KCNH1: variants seen among roughly 807,000 people sequenced by gnomAD.
KCNH1 encodes the protein potassium voltage-gated channel subfamily H member 1, also known as voltage-gated delayed rectifier potassium channel KCNH1.
In KCNH1, 27 loss-of-function variants were observed where a neutral mutation model predicts 69.2. The observed-to-expected ratio is 0.39, with a 90% confidence interval of 0.29 to 0.54. The LOEUF is 0.54. Ranked by LOEUF, KCNH1 falls within the 20% of genes least tolerant of loss-of-function variation. The pLI is 0.68. For missense variants in KCNH1, 798 were observed against 1,261.6 expected, an observed-to-expected ratio of 0.63 and a Z score of 5.57; for synonymous variants, 456 against 487.7, an observed-to-expected ratio of 0.93 and a Z score of 0.86.
intron 7 of KCNH1, among the ~76,000 whole-genome samples, chr1:210,843,053 G>A (rs1397102800): frequency 6.6e-6 from 1 of 152,158 alleles, no homozygotes; most frequent in Non-Finnish European, 1.5e-5. Flanking sequence ...AATGTCCTTG[G>A]TGAAAGAAAT....
intron 6 of KCNH1, among the ~76,000 whole-genome samples, chr1:210,973,961 C>T (rs923513071): frequency 7.2e-5 from 11 of 151,972 alleles, no homozygotes; most frequent in Non-Finnish European, 1.5e-4. Context: ...ATTTTTCTTG[C>T]CATCTATTAC....
At position 211,057,655 on chromosome 1, in the gene KCNH1, G is replaced by T. The variant is rs1334319194; in HGVS notation, c.558+25125C>A. On this transcript the variant is annotated intron_variant, in intron 5 of 10. Coordinates refer to ENST00000271751, the MANE Select transcript of KCNH1 (RefSeq NM_172362.3). ...CCCTGTCCCAAAAAAATGAGAAAAA[G>T]AAAGAAGAAAACAGAAAACAAAGAA... Among the ~76,000 whole-genome samples, 3 of 150,490 alleles carry T rather than the reference G, an allele frequency of 2.0e-5. No individual in the cohort carries two copies. In the East Asian group the frequency reaches 5.9e-4, roughly 29 times the overall value.
chr1:210,712,467 GA>G (rs992009064), intron 10 of KCNH1, among the ~76,000 whole-genome samples: 5 of 152,178 alleles, frequency 3.3e-5, no homozygotes, highest in African/African-American at 9.7e-5. Context: ...GCAGAACGAA[GA>G]GGCTGGGAGA....
chr1:210,766,465 C>G (rs529821808), intron 10 of KCNH1, among the ~76,000 whole-genome samples: 2 of 151,742 alleles, frequency 1.3e-5, no homozygotes, highest in Non-Finnish European at 2.9e-5. Flanking sequence ...GCAGAGGTTG[C>G]GGTAAGCCAA....
intron 6 of KCNH1, among the ~76,000 whole-genome samples, chr1:210,996,237 A>G (rs1689033483): frequency 6.6e-6 from 1 of 152,114 alleles, no homozygotes; most frequent in African/African-American, 2.4e-5. Flanking sequence ...TTCCTAGTCA[A>G]AGAAAGGGGT....
intron 6 of KCNH1, among the ~76,000 whole-genome samples, chr1:210,972,461 A>G (rs915342444): frequency 1.3e-5 from 2 of 152,166 alleles, no homozygotes; most frequent in Admixed American, 6.6e-5. Flanking sequence ...CAGTTGCCCT[A>G]AAGTTCCTTT....
chr1:210,959,541 A>C (rs1688254130), intron 6 of KCNH1, among the ~76,000 whole-genome samples: 1 of 152,242 alleles, frequency 6.6e-6, no homozygotes, highest in African/African-American at 2.4e-5. Flanking sequence ...GTCTAGAGGC[A>C]GTAGGCCTTG....
chr1:210,900,148 A>G (rs1686964071), intron 7 of KCNH1, among the ~76,000 whole-genome samples: 1 of 152,228 alleles, frequency 6.6e-6, no homozygotes, highest in Non-Finnish European at 1.5e-5. Flanking sequence ...AGATAGTGAA[A>G]AGGCAGAGAG....
At chr1:210,958,784 A>T (rs1337732567) in intron 6 of KCNH1, among the ~76,000 whole-genome samples, 1 of 152,066 alleles carries the variant, frequency 6.6e-6, no homozygotes, top group Non-Finnish European at 1.5e-5. Context: ...TCTTCTCTAC[A>T]CTGTTTATTC....
At chr1:211,052,059 C>T (rs1690217520) in intron 5 of KCNH1, among the ~76,000 whole-genome samples, 1 of 152,186 alleles carries the variant, frequency 6.6e-6, no homozygotes, top group South Asian at 2.1e-4. Context: ...AGAGTTGATC[C>T]CTGGCATCAT....
rs3135473 is a variant in KCNH1, at chr1:210,683,243, G to T, written c.*38C>A. 0.71 allele frequency: 1,118,741 copies of T among 1,582,776 alleles called. 398,488 individuals are homozygous for T. The highest frequency in any genetic ancestry group is 0.86 in the African/African-American group (63,520 of 73,912). On this transcript the variant is annotated 3_prime_UTR_variant, in exon 11 of 11. Coordinates refer to ENST00000271751, the MANE Select transcript of KCNH1 (RefSeq NM_172362.3). The surrounding 1 kb of genome is among the most constrained non-coding windows in gnomAD (Gnocchi z 5.7). ...AGGGGTGGTGGTGACGGCAGGGTTG[G>T]AGGTATCTGTCTCTGACTTTTTTTT...
In KCNH1 at chr1:210,872,777, GC is replaced by G. The variant is rs113490827; in HGVS notation, c.1462+46862del. 1.7e-3 allele frequency among the ~76,000 whole-genome samples: 264 copies of G among 152,186 alleles called. 3 individuals carry two copies. The highest frequency in any genetic ancestry group is 5.9e-3 in the African/African-American group (246 of 41,522). On this transcript the variant is annotated intron_variant, in intron 7 of 10. Transcript: ENST00000271751. The stretch of plus-strand genomic sequence containing the variant: ...ATGCTACGCCATTCATAAGAACTCT[GC>G]CCCCATGATCCAATCACCTCCCACC...
chr1:210,978,567 T>A (rs1018112684), intron 6 of KCNH1, among the ~76,000 whole-genome samples: 1 of 152,220 alleles, frequency 6.6e-6, no homozygotes, highest in East Asian at 1.9e-4. Flanking sequence ...TAACTCTAGA[T>A]ACTGATTTTT....
At chr1:211,068,141 T>A (rs572388512) in intron 5 of KCNH1, among the ~76,000 whole-genome samples, 2 of 152,376 alleles carry the variant, frequency 1.3e-5, no homozygotes, top group Admixed American at 1.3e-4. Context: ...CTATTCTCAG[T>A]CCACCTGTGC....
intron 7 of KCNH1, among the ~76,000 whole-genome samples, chr1:210,851,862 T>G (rs1685715003): frequency 6.6e-6 from 1 of 152,172 alleles, no homozygotes; most frequent in Non-Finnish European, 1.5e-5. Context: ...TTTACGCGGT[T>G]TGTTGTTGAG....
chr1:211,054,474 C>T (rs1053200259), intron 5 of KCNH1, among the ~76,000 whole-genome samples: 1 of 151,582 alleles, frequency 6.6e-6, no homozygotes, highest in Admixed American at 6.6e-5. Context: ...AAGAAGGAAA[C>T]TAAAATTTGT....
chr1:210,845,593 C>T (rs1685525240), intron 7 of KCNH1, among the ~76,000 whole-genome samples: 1 of 152,124 alleles, frequency 6.6e-6, no homozygotes, highest in Non-Finnish European at 1.5e-5. Context: ...ATAATGAGAG[C>T]TATCTATGAC....
At chr1:210,710,808 G>A (rs61679127) in intron 10 of KCNH1, among the ~76,000 whole-genome samples, 16,823 of 152,030 alleles carry the variant, frequency 0.11, 2,539 homozygotes, top group African/African-American at 0.33. Flanking sequence ...TTCAACAGTC[G>A]CAACCTTGTG....
intron 9 of KCNH1, among the ~76,000 whole-genome samples, chr1:210,788,853 C>G (rs983724098): frequency 6.7e-6 from 1 of 149,960 alleles, no homozygotes; most frequent in Admixed American, 6.6e-5. Context: ...CCCGCCACTA[C>G]GCCCGGCTAA....
Sources: gnomAD v4.1 joint callset for allele counts (sites outside exome capture counted in the v4.1 genomes callset) on GRCh38, gnomAD v4.1.1 for gene constraint, Gnocchi (gnomAD v3.1) non-coding constraint, MANE v1.5 for transcripts, NCBI Gene and HGNC (gene_info 2026-07-23, HGNC 2026-07-21) for gene names.